The following FNDC3B variants were observed in gnomAD, a reference collection of about 807,000 sequenced individuals.
FNDC3B encodes the protein fibronectin type III domain-containing protein 3B.
FNDC3B carries 12 observed loss-of-function variants against 151.5 expected under a neutral mutation model. The observed-to-expected ratio is 0.08, with a 90% CI of 0.05 to 0.13. FNDC3B has a LOEUF of 0.13. FNDC3B is among the 10% of genes least tolerant of loss of function. FNDC3B has a pLI of 1.00. For missense variants in FNDC3B, 1,214 were observed against 1,505.3 expected (o/e 0.81, Z 3.20); for synonymous variants, 528 against 549.0 (o/e 0.96, Z 0.54).
intron 25 of FNDC3B, among the ~76,000 whole-genome samples, chr3:172,391,456 C>G (rs1032504368): frequency 5.3e-5 from 8 of 152,264 alleles, no homozygotes; most frequent in African/African-American, 1.9e-4. Context: ...AATCCTGATT[C>G]TAGTTTCTGT....
intron 5 of FNDC3B, among the ~76,000 whole-genome samples, chr3:172,250,994 T>G (rs1329620273): frequency 4.6e-5 from 7 of 152,056 alleles, no homozygotes; most frequent in African/African-American, 1.7e-4. Flanking sequence ...TTTTTTGTAT[T>G]TTTAGTAGGG....
At chr3:172,215,634 G>A (rs999007850) in intron 3 of FNDC3B, among the ~76,000 whole-genome samples, 27 of 152,210 alleles carry the variant, frequency 1.8e-4, no homozygotes, top group African/African-American at 6.0e-4. Flanking sequence ...TGAGGCAGGA[G>A]AATTACTTAA....
intron 22 of FNDC3B, among the ~76,000 whole-genome samples, chr3:172,360,427 GT>G (rs1249100203): frequency 6.6e-6 from 1 of 152,130 alleles, no homozygotes; most frequent in African/African-American, 2.4e-5. Context: ...CAGTGCAAAA[GT>G]TTCAAATTTT....
chr3:172,396,398 C>T (rs951795106), intron 25 of FNDC3B, among the ~76,000 whole-genome samples: 8 of 152,186 alleles, frequency 5.3e-5, no homozygotes, highest in African/African-American at 1.9e-4. Context: ...AAAAATCATC[C>T]TGCTGGAAAA....
At chr3:172,226,062 C>CTT (rs1306278736) in intron 3 of FNDC3B, among the ~76,000 whole-genome samples, 2 of 152,132 alleles carry the variant, frequency 1.3e-5, no homozygotes, top group Non-Finnish European at 2.9e-5. Context: ...AATCCCAGCA[C>CTT]TTTGGGAGGC....
chr3:172,226,194 A>G (rs1037008590), intron 3 of FNDC3B, among the ~76,000 whole-genome samples: 7 of 151,294 alleles, frequency 4.6e-5, no homozygotes, highest in Admixed American at 2.0e-4. Context: ...AATTCCAGCT[A>G]CTCGGGGGGC....
chr3:172,346,390 G>T lies in FNDC3B; in HGVS notation c.2314G>T (p.Ala772Ser), dbSNP rs144543240. 6.2e-7 allele frequency: 1 copy of T among 1,613,752 alleles called. No homozygotes were observed. The highest frequency in any genetic ancestry group is 1.3e-5 in the African/African-American group (1 of 75,028). Residue 772 changes from alanine (A) to serine (S), a missense_variant, in exon 20 of 26, where the codon GCA becomes TCA. Around this residue, in one of 7 missense-constraint regions of FNDC3B, gnomAD observed 380 missense variants for 420.9 expected, o/e 0.90. Transcript: ENST00000415807. Reference protein sequence around the residue: ...TAAGPPGQCKAPCISCTPDGC... With the variant: ...TAAGPPGQCKSPCISCTPDGC... ...TGCAGGGCCTCCTGGACAATGCAAA[G>T]CACCTTGTATTTCTTGTACACCTGA...
chr3:172,165,816 C>T (rs1461900392), intron 3 of FNDC3B, among the ~76,000 whole-genome samples: 1 of 152,096 alleles, frequency 6.6e-6, no homozygotes, highest in African/African-American at 2.4e-5. Flanking sequence ...TTACATGACA[C>T]GAATGTTCAC....
In FNDC3B at chr3:172,234,322, T is replaced by TGTCCTGTTCA. The variant is rs1251599519; in HGVS notation, c.264+7386_264+7395dup. ...AGTCCACAAAGGCAGGGACCTTGTG[T>TGTCCTGTTCA]GTCCTGTTCAGTCCTGTTCATCACT... On this transcript the variant is annotated intron_variant, in intron 4 of 25. Coordinates refer to ENST00000415807, the MANE Select transcript of FNDC3B (RefSeq NM_022763.4). Among the ~76,000 whole-genome samples, 4 of 152,344 alleles carry TGTCCTGTTCA rather than the reference T, an allele frequency of 2.6e-5. 1 individual carries two copies. The highest frequency in any genetic ancestry group is 2.6e-4 in the Admixed American group (4 of 15,304).
intron 6 of FNDC3B, among the ~76,000 whole-genome samples, chr3:172,273,880 A>T (rs1378029723): frequency 6.6e-6 from 1 of 152,220 alleles, no homozygotes; most frequent in Non-Finnish European, 1.5e-5. Context: ...CAACACAGGG[A>T]TATTTCAGGT....
intron 22 of FNDC3B, among the ~76,000 whole-genome samples, chr3:172,360,691 T>G (rs945805551): frequency 6.6e-6 from 1 of 152,180 alleles, no homozygotes; most frequent in African/African-American, 2.4e-5. Flanking sequence ...AAGACTGTCT[T>G]TTCTCCATTG....
chr3:172,325,854 C>T (rs1175302977), intron 11 of FNDC3B, among the ~76,000 whole-genome samples: 8 of 152,298 alleles, frequency 5.3e-5, no homozygotes, highest in South Asian at 2.1e-4. Flanking sequence ...GACAGAGTCT[C>T]GTTCTGTCAC....
intron 4 of FNDC3B, chr3:172,237,233 A>G (rs1289272854): frequency 6.6e-6 from 1 of 152,196 alleles, no homozygotes; most frequent in East Asian, 1.9e-4. Flanking sequence ...GAACAGCAAC[A>G]CTTGATTTGT....
chr3:172,143,509 G>A (rs1306420936), intron 3 of FNDC3B, among the ~76,000 whole-genome samples: 19 of 151,800 alleles, frequency 1.3e-4, no homozygotes, highest in Admixed American at 7.2e-4. Context: ...TAGGTTACTC[G>A]TTAATTTTAT....
chr3:172,075,724 AACACACACACACACACACAC>A (rs57920659), intron 1 of FNDC3B, among the ~76,000 whole-genome samples: 41 of 146,848 alleles, frequency 2.8e-4, no homozygotes, highest in African/African-American at 8.6e-4. Context: ...TAGCCCAGTA[AACACACACACACACACACAC>A]ACACACACAC....
intron 6 of FNDC3B, among the ~76,000 whole-genome samples, chr3:172,282,406 T>C (rs2108819834): frequency 6.6e-6 from 1 of 152,302 alleles, no homozygotes; most frequent in East Asian, 1.9e-4. Context: ...TCTCCTAACA[T>C]GAGGGGCTAG....
chr3:172,137,622 C>T (rs1170900184), intron 3 of FNDC3B, among the ~76,000 whole-genome samples: 1 of 151,996 alleles, frequency 6.6e-6, no homozygotes, highest in Non-Finnish European at 1.5e-5. Flanking sequence ...CACCACTGCA[C>T]TCTATCCTGA....
In FNDC3B at chr3:172,171,229, G is replaced by A. The variant is rs114735556; in HGVS notation, c.187+37683G>A. On this transcript the variant is annotated intron_variant, in intron 3 of 25. Transcript: ENST00000415807. ...TAAACATTTCATGTAATTATATTAAGATAGGCTTGGAAAGTGCTGATGGAG... is the reference window on the plus strand; with the variant it reads ...TAAACATTTCATGTAATTATATTAAAATAGGCTTGGAAAGTGCTGATGGAG... Among the ~76,000 whole-genome samples the A allele has an allele frequency of 3.4e-3, 512 of 152,306 alleles. 4 individuals carry two copies. The highest frequency in any genetic ancestry group is 0.012 in the African/African-American group (481 of 41,560).
At chr3:172,092,308 G>A (rs111514466) in intron 1 of FNDC3B, among the ~76,000 whole-genome samples, 2 of 152,146 alleles carry the variant, frequency 1.3e-5, no homozygotes, top group African/African-American at 4.8e-5. Flanking sequence ...TCAAATGCCT[G>A]AGCCCCTGTC....
Sources: allele counts gnomAD v4.1 joint callset (sites outside exome capture counted in the v4.1 genomes callset), GRCh38; gene constraint gnomAD v4.1.1; regional missense constraint gnomAD v4.1.1; transcripts MANE v1.5; gene names NCBI Gene and HGNC (gene_info 2026-07-23, HGNC 2026-07-21).